WDTC1: variants seen among roughly 807,000 people sequenced by gnomAD.
The protein encoded by WDTC1 is WD and tetratricopeptide repeats protein 1.
Under a neutral mutation model 76.0 loss-of-function variants are expected in WDTC1, and 12 were observed. That is an observed-to-expected ratio of 0.16 (90% CI 0.10 to 0.26). The LOEUF (loss-of-function observed/expected upper bound fraction) is 0.26. Among genes scored for constraint, WDTC1 ranks in the 10% least tolerant of loss-of-function variants. WDTC1 has a pLI of 1.00. For synonymous variants in WDTC1, 326 were observed against 350.8 expected, an observed-to-expected ratio of 0.93 and a Z score of 0.79; for missense variants, 511 against 908.8, an observed-to-expected ratio of 0.56 and a Z score of 5.63.
intron 10 of WDTC1, 63 bp from the exon 11 acceptor site, chr1:27,296,985 G>A: frequency 6.9e-7 from 1 of 1,447,548 alleles, no homozygotes; most frequent in Non-Finnish European, 9.7e-7. Context: ...CTAGAGGGCT[G>A]CCAGGAAGAA....
chr1:27,250,296 C>T (rs1404339572), intron 1 of WDTC1, among the ~76,000 whole-genome samples: 3 of 151,922 alleles, frequency 2.0e-5, no homozygotes, highest in African/African-American at 4.8e-5. Flanking sequence ...AAGCGATTCT[C>T]CTGCCTCAGC....
intron 5 of WDTC1, 33 bp from the exon 6 acceptor site, chr1:27,287,641 C>G: frequency 6.3e-7 from 1 of 1,595,398 alleles, no homozygotes; most frequent in South Asian, 1.1e-5. Flanking sequence ...TCTACTCTTA[C>G]CACCCACCCC....
At chr1:27,263,340 A>G (rs1040552644) in intron 3 of WDTC1, 105 bp downstream of exon 3, 1 of 1,058,112 alleles carries the variant, frequency 9.5e-7, no homozygotes, top group Non-Finnish European at 1.3e-6. Flanking sequence ...GTTTCTCTGC[A>G]GGCCATATCT....
rs2013923975 is a variant in WDTC1 at position 27,305,169 on chromosome 1, G to A, written c.1812G>A (p.Val604=). 1.2e-6 allele frequency: 2 copies of A among 1,613,894 alleles called. No homozygotes were observed. Among genetic ancestry groups the A allele is most frequent in the Non-Finnish European group, 1.7e-6 (2 of 1,179,946 alleles). Residue 604 remains valine, a synonymous_variant, in exon 15 of 16, where the codon GTG becomes GTA. Transcript: ENST00000319394. This position sits in a 1 kb window ranked among gnomAD's most constrained non-coding sequence, Gnocchi z 4.6. The part of the protein sequence containing the change: ...FLATSGIDPV[V]RLWNPRPESE... ...CCACCAGTGGCATCGATCCTGTTGTGCGGCTCTGGAACCCCCGACCAGAGG... is the reference window on the plus strand; with the variant it reads ...CCACCAGTGGCATCGATCCTGTTGTACGGCTCTGGAACCCCCGACCAGAGG...
intron 14 of WDTC1, 114 bp from the exon 15 acceptor site, chr1:27,304,887 G>A (rs2013915350): frequency 9.3e-7 from 1 of 1,071,532 alleles, no homozygotes; most frequent in Non-Finnish European, 1.3e-6. Context: ...AGCGTGTGGG[G>A]GACTGAGTGG....
At chr1:27,286,833 C>T (rs1406726228) in intron 5 of WDTC1, among the ~76,000 whole-genome samples, 2 of 151,952 alleles carry the variant, frequency 1.3e-5, no homozygotes, top group East Asian at 1.9e-4. Flanking sequence ...TTACTATTAC[C>T]AGATTGTTTT....
In WDTC1 at chr1:27,303,485, G is replaced by C; in HGVS notation, c.1469-136G>C. 9.7e-6 allele frequency: 11 copies of C among 1,136,878 alleles called. No homozygotes were observed. Among genetic ancestry groups the C allele is most frequent in the Non-Finnish European group, 1.3e-5 (11 of 839,490 alleles). 70.4% of individuals were successfully genotyped at this position (1,136,878 alleles called of 1,614,324 possible). On this transcript the variant is annotated intron_variant, in intron 13 of 15. Transcript: ENST00000319394. This position sits in a 1 kb window ranked among gnomAD's most constrained non-coding sequence, Gnocchi z 4.8. Reference sequence around the variant, plus strand: ...GCATCTTCCTCACAACCTTTCCCCAGTTTTCCAGGATAAGGGTGGAGGCAG... The same window carrying C: ...GCATCTTCCTCACAACCTTTCCCCACTTTTCCAGGATAAGGGTGGAGGCAG...
chr1:27,261,167 GA>G, intron 2 of WDTC1, 65 bp downstream of exon 2: 1 of 1,600,278 alleles, frequency 6.2e-7, no homozygotes, highest in Non-Finnish European at 8.5e-7. Context: ...TGATTTTACA[GA>G]TGAAAAAACT....
At chr1:27,235,182 G>A (rs546572496) in intron 1 of WDTC1, among the ~76,000 whole-genome samples, 1 of 152,082 alleles carries the variant, frequency 6.6e-6, no homozygotes, top group Non-Finnish European at 1.5e-5. Context: ...GTCGGGACGC[G>A]GGGGGAGGCT....
At position 27,303,783 on chromosome 1, in the gene WDTC1, A is replaced by G. The variant is rs2013889181; in HGVS notation, c.1631A>G (p.Asn544Ser). The G allele has an allele frequency of 1.2e-6, 2 of 1,614,054 alleles. No individual in the cohort carries two copies. The highest frequency in any genetic ancestry group is 1.7e-6 in the Non-Finnish European group (2 of 1,179,970). Residue 544 changes from asparagine to serine, a missense_variant, in exon 14 of 16, where the codon AAT (asparagine) becomes AGT (serine). Physicochemically the swap from Asn to Ser is conservative, Grantham distance 46. Transcript: ENST00000319394. The surrounding 1 kb of genome is among the most constrained non-coding windows in gnomAD (Gnocchi z 4.8). ...CNTTTDIKEA[N>S]FFGSNAQYIV... is the part of the protein sequence containing the mutation. ...ACCACCACGGATATCAAAGAGGCCA[A>G]TTTCTTTGGCAGGTCCGAGGCCCTG... is the stretch of plus-strand genomic sequence containing the variant.
At chr1:27,294,785 G>A (rs1307909767) in intron 9 of WDTC1, among the ~76,000 whole-genome samples, 156 bp downstream of exon 9, 1 of 152,190 alleles carries the variant, frequency 6.6e-6, no homozygotes, top group African/African-American at 2.4e-5. Context: ...CATCATTGGA[G>A]TTCCCAGAGA....
At chr1:27,296,999 G>T (rs776564914) in intron 10 of WDTC1, 49 bp from the exon 11 acceptor site, 16 of 1,530,902 alleles carry the variant, frequency 1.0e-5, no homozygotes, top group Non-Finnish European at 1.2e-5. Context: ...GGAAGAAATG[G>T]GTCCTCTTCC....
At position 27,289,183 on chromosome 1, in the gene WDTC1, A is replaced by C. The variant is rs1182001289; in HGVS notation, c.479+1322A>C. Among the ~76,000 whole-genome samples, 3 of 141,100 alleles carry C rather than the reference A, an allele frequency of 2.1e-5. No individual in the cohort carries two copies. The East Asian group carries it at 6.9e-4, about 33-fold the overall frequency. 92.6% of individuals were successfully genotyped at this position (141,100 alleles called of 152,430 possible). On this transcript the variant is annotated intron_variant, in intron 6 of 15. Transcript: ENST00000319394. Reference sequence around the variant, plus strand: ...GGCAGAGGCGCCCCTCACCTCCCGGACGGGGCGGCTGGCCGGGCAGAGGGG... The same window carrying C: ...GGCAGAGGCGCCCCTCACCTCCCGGCCGGGGCGGCTGGCCGGGCAGAGGGG...
rs191980964 is a variant in WDTC1 at position 27,254,636 on chromosome 1, T to G, written c.-99-6320T>G. Among the ~76,000 whole-genome samples, 390 of 152,002 alleles carry G rather than the reference T, an allele frequency of 2.6e-3. 2 individuals are homozygous for G. Among genetic ancestry groups the G allele is most frequent in the South Asian group, 0.016 (76 of 4,820 alleles). On this transcript the variant is annotated intron_variant, in intron 1 of 15. Coordinates refer to ENST00000319394, the MANE Select transcript of WDTC1 (RefSeq NM_001276252.2). ...TAAGTAGGCATCAGTTGTATTAAATTTTGACTTTTTTTTTGAGACGGAGTT... is the reference window on the plus strand; with the variant it reads ...TAAGTAGGCATCAGTTGTATTAAATGTTGACTTTTTTTTTGAGACGGAGTT...
chr1:27,304,962 T>C (rs1448848339), intron 14 of WDTC1, 39 bp from the exon 15 acceptor site: 8 of 1,585,208 alleles, frequency 5.0e-6, no homozygotes, highest in Non-Finnish European at 6.9e-6. Flanking sequence ...TGTAGGGCAG[T>C]ACCCCACCTG....
intron 3 of WDTC1, among the ~76,000 whole-genome samples, chr1:27,276,818 T>C (rs1027468500): frequency 6.6e-6 from 1 of 152,182 alleles, no homozygotes; most frequent in Non-Finnish European, 1.5e-5. Flanking sequence ...GAGCATGTTT[T>C]CATGTGCTTG....
chr1:27,248,986 G>A (rs924331877), intron 1 of WDTC1, among the ~76,000 whole-genome samples: 2 of 151,998 alleles, frequency 1.3e-5, no homozygotes, highest in African/African-American at 4.8e-5. Context: ...ACCATATCCC[G>A]GCCCAGCTCA....
intron 5 of WDTC1, 144 bp from the exon 6 acceptor site, chr1:27,287,530 G>A (rs1234393629): frequency 8.0e-6 from 7 of 878,486 alleles, no homozygotes; most frequent in Non-Finnish European, 1.2e-5. Flanking sequence ...GGGATTACAG[G>A]CATGAGCCAC....
At chr1:27,296,296 C>T (rs1446469648) in intron 9 of WDTC1, 30 bp from the exon 10 acceptor site, 1 of 1,613,816 alleles carries the variant, frequency 6.2e-7, no homozygotes, top group Non-Finnish European at 8.5e-7. Flanking sequence ...TCACAGCTTC[C>T]ATCTCTTTTT....
Sources: allele counts gnomAD v4.1 joint callset (sites outside exome capture counted in the v4.1 genomes callset), GRCh38; gene constraint gnomAD v4.1.1; non-coding constraint Gnocchi (gnomAD v3.1); transcripts MANE v1.5; gene names NCBI Gene and HGNC (gene_info 2026-07-23, HGNC 2026-07-21).